DYM: variants seen among roughly 807,000 people sequenced by gnomAD.
DYM encodes the protein dyggve-Melchior-Clausen syndrome protein.
Under a neutral mutation model 93.1 loss-of-function variants are expected in DYM, and 78 were observed. The observed-to-expected ratio is 0.84, with a 90% CI of 0.70 to 1.01. DYM has a LOEUF of 1.01. Among genes scored for constraint, DYM ranks in the 50% least tolerant of loss-of-function variants. DYM has a pLI of 0.00. For missense variants in DYM, 789 were observed against 845.0 expected (o/e 0.93, Z 0.82); for synonymous variants, 321 against 319.7 (o/e 1.00, Z -0.04).
At chr18:49,109,242 A>T (rs1401384975) in intron 16 of DYM, among the ~76,000 whole-genome samples, 1 of 152,064 alleles carries the variant, frequency 6.6e-6, no homozygotes. Context: ...AAATACATGG[A>T]TGGATTTTTG....
chr18:49,458,496 A>G (rs943141128), intron 1 of DYM, among the ~76,000 whole-genome samples: 1 of 152,196 alleles, frequency 6.6e-6, no homozygotes, highest in Non-Finnish European at 1.5e-5. Context: ...CTTTCTAGAT[A>G]TTAAAAACTA....
chr18:49,085,958 G>A (rs964645641), intron 17 of DYM, among the ~76,000 whole-genome samples: 17 of 152,260 alleles, frequency 1.1e-4, no homozygotes, highest in African/African-American at 3.6e-4. Context: ...ATTTTAGTTT[G>A]TGAATGACAC....
At chr18:49,199,771 G>C (rs1411604138) in intron 14 of DYM, among the ~76,000 whole-genome samples, 1 of 152,130 alleles carries the variant, frequency 6.6e-6, no homozygotes, top group African/African-American at 2.4e-5. Context: ...CTTGTTTTGA[G>C]GAAACTCATT....
intron 1 of DYM, among the ~76,000 whole-genome samples, chr18:49,453,532 A>C (rs2082714193): frequency 6.6e-6 from 1 of 152,158 alleles, no homozygotes; most frequent in African/African-American, 2.4e-5. Context: ...CGAAAATCAG[A>C]AGGAACAAAC....
chr18:49,295,558 A>G (rs1323637969), intron 8 of DYM, among the ~76,000 whole-genome samples: 1 of 152,122 alleles, frequency 6.6e-6, no homozygotes, highest in African/African-American at 2.4e-5. Context: ...AGGAATGGTA[A>G]AACAAGATTG....
intron 1 of DYM, among the ~76,000 whole-genome samples, chr18:49,434,838 T>C (rs538583270): frequency 9.9e-5 from 15 of 151,864 alleles, no homozygotes; most frequent in East Asian, 1.9e-4. Context: ...TGGTGGTGCA[T>C]GGAGATTTCA....
chr18:49,120,564 C>T (rs533637390), intron 15 of DYM, among the ~76,000 whole-genome samples: 4 of 152,110 alleles, frequency 2.6e-5, no homozygotes, highest in Admixed American at 6.6e-5. Context: ...TTTTTTAAAT[C>T]TGTGGATGTG....
chr18:49,222,357 A>G (rs1278937291), intron 13 of DYM, among the ~76,000 whole-genome samples: 3 of 152,132 alleles, frequency 2.0e-5, no homozygotes, highest in Non-Finnish European at 2.9e-5. Flanking sequence ...AGACTCCTCA[A>G]TAATGAGCAT....
In DYM at chr18:49,401,307, C is replaced by T. The variant is rs978302651; in HGVS notation, c.141-9662G>A. 3.3e-5 allele frequency among the ~76,000 whole-genome samples: 5 copies of T among 152,188 alleles called. No homozygotes were observed. The South Asian group carries it at 1.0e-3, about 32-fold the overall frequency. ...CAGGTGTGACTCTCCCTGAAGCAAT[C>T]CATATATTAGAAGCCTTCTTCTCAG... On this transcript the variant is annotated intron_variant, in intron 2 of 17. Coordinates refer to ENST00000675505, the MANE Select transcript of DYM (RefSeq NM_001353214.3).
intron 1 of DYM, among the ~76,000 whole-genome samples, chr18:49,457,669 T>A (rs957835382): frequency 1.3e-5 from 2 of 152,202 alleles, no homozygotes; most frequent in Non-Finnish European, 2.9e-5. Flanking sequence ...GTAGGTAGAA[T>A]AATAGCCTCC....
chr18:49,055,226 C>G (rs1027230958), intron 17 of DYM, among the ~76,000 whole-genome samples: 16 of 152,082 alleles, frequency 1.1e-4, no homozygotes, highest in Non-Finnish European at 5.9e-5. Flanking sequence ...TGGGGCCGAT[C>G]TGCAGTGAGG....
chr18:49,200,584 G>A (rs376325154), intron 14 of DYM, among the ~76,000 whole-genome samples: 1 of 151,434 alleles, frequency 6.6e-6, no homozygotes. Context: ...TAGTTTATTT[G>A]ACCATTCTTC....
chr18:49,455,232 CA>C (rs2082882090), intron 1 of DYM, among the ~76,000 whole-genome samples: 1 of 152,144 alleles, frequency 6.6e-6, no homozygotes, highest in South Asian at 2.1e-4. Context: ...TATGTCTAGT[CA>C]GAACTGTCTT....
At chr18:49,394,471 C>T (rs780267736) in intron 2 of DYM, among the ~76,000 whole-genome samples, 4 of 152,000 alleles carry the variant, frequency 2.6e-5, no homozygotes, top group Non-Finnish European at 4.4e-5. Context: ...CGTAATGTCT[C>T]CAGATTTGCT....
intron 13 of DYM, among the ~76,000 whole-genome samples, chr18:49,224,422 A>G (rs1056188880): frequency 6.6e-6 from 1 of 152,032 alleles, no homozygotes; most frequent in Admixed American, 6.6e-5. Flanking sequence ...CACCTAGGAA[A>G]AGAGTAGAGA....
At chr18:49,127,231 G>A (rs1050115215) in intron 15 of DYM, among the ~76,000 whole-genome samples, 9 of 152,094 alleles carry the variant, frequency 5.9e-5, no homozygotes, top group Non-Finnish European at 1.3e-4. Context: ...AATTTCAAAC[G>A]TAAAAACAAG....
chr18:49,098,141 A>G (rs1290609056), intron 16 of DYM, among the ~76,000 whole-genome samples: 1 of 152,210 alleles, frequency 6.6e-6, no homozygotes, highest in African/African-American at 2.4e-5. Flanking sequence ...CTAAAAAATG[A>G]AAACAAAACA....
At chr18:49,441,589 A>G (rs1283438080) in intron 1 of DYM, among the ~76,000 whole-genome samples, 1 of 151,294 alleles carries the variant, frequency 6.6e-6, no homozygotes, top group African/African-American at 2.4e-5. Context: ...TTCCCCGCCC[A>G]ATGAAACGAA....
At chr18:49,138,888 C>T (rs1213447080) in intron 15 of DYM, among the ~76,000 whole-genome samples, 3 of 151,950 alleles carry the variant, frequency 2.0e-5, no homozygotes, top group African/African-American at 4.8e-5. Context: ...TTCAGTCAAG[C>T]GTCATTAGAA....
Sources: allele counts gnomAD v4.1 joint callset (sites outside exome capture counted in the v4.1 genomes callset), GRCh38; gene constraint gnomAD v4.1.1; transcripts MANE v1.5; gene names NCBI Gene and HGNC (gene_info 2026-07-23, HGNC 2026-07-21).